The following TARM1 variants were observed in gnomAD, a reference collection of about 807,000 sequenced individuals.
TARM1 encodes the protein T cell-interacting, activating receptor on myeloid cells 1.
A neutral mutation model predicts 30.4 loss-of-function variants in TARM1; 24 were observed. The ratio of observed to expected loss-of-function variants is 0.79; its 90% CI spans 0.57 to 1.11. The LOEUF (loss-of-function observed/expected upper bound fraction) is 1.11. Among genes scored for constraint, TARM1 ranks in the 50% least tolerant of loss-of-function variants. TARM1 has a pLI of 0.00. For missense variants in TARM1, 323 were observed against 332.8 expected (o/e 0.97, Z 0.23); for synonymous variants, 129 against 138.9 (o/e 0.93, Z 0.50).
At chr19:54,075,716 C>A (rs587708485) in intron 2 of TARM1, among the ~76,000 whole-genome samples, 167 bp downstream of exon 2, 17 of 151,842 alleles carry the variant, frequency 1.1e-4, no homozygotes, top group African/African-American at 3.9e-4. Context: ...TCACTTGAGC[C>A]CAGGAGGCGG....
At chr19:54,077,669 T>C (rs1364182260) in intron 1 of TARM1, among the ~76,000 whole-genome samples, 1 of 151,608 alleles carries the variant, frequency 6.6e-6, no homozygotes, top group Non-Finnish European at 1.5e-5. Flanking sequence ...AACGTAAGTG[T>C]CCATCCATGG....
intron 4 of TARM1, among the ~76,000 whole-genome samples, chr19:54,072,761 G>A (rs1280036478): frequency 6.6e-6 from 1 of 152,090 alleles, no homozygotes; most frequent in Non-Finnish European, 1.5e-5. Context: ...CGGATCACCT[G>A]AGGCCAGGGG....
At position 54,070,109 on chromosome 19, in the gene TARM1, A is replaced by G; in HGVS notation, c.710T>C (p.Leu237Pro). The G allele has an allele frequency of 6.4e-7, 1 of 1,551,686 alleles. No homozygotes were observed. The highest frequency in any genetic ancestry group is 8.7e-7 in the Non-Finnish European group (1 of 1,146,976). The part of the protein sequence containing the change: ...SNYSLGNFVR[L>P]GLAAVIVVIM... ...AACCACAATTACGGCAGCCAGACCC[A>G]GTCGTACGAAGTTACCCAGGGAGTA... Residue 237 changes from leucine (L) to proline (P), a missense_variant, in exon 5 of 5, where the codon CTG becomes CCG. Transcript: ENST00000432826.
At chr19:54,080,624 C>G (rs587621792) in intron 1 of TARM1, among the ~76,000 whole-genome samples, 1 of 150,684 alleles carries the variant, frequency 6.6e-6, no homozygotes, top group African/African-American at 2.4e-5. Context: ...GGTTACACAG[C>G]GGCCTCAATT....
intron 1 of TARM1, among the ~76,000 whole-genome samples, chr19:54,077,407 GA>G (rs1354379231): frequency 6.6e-6 from 1 of 151,734 alleles, no homozygotes; most frequent in Admixed American, 6.6e-5. Context: ...AGAAAGAAAA[GA>G]AAAAACATAA....
intron 1 of TARM1, chr19:54,076,254 C>T (rs745346134): frequency 6.7e-7 from 1 of 1,499,270 alleles, no homozygotes; most frequent in South Asian, 1.3e-5. Flanking sequence ...TCCTTTCTTT[C>T]TTTCTTTTTT....
rs1165429606 is a variant in TARM1, at chr19:54,080,304, C to CG, written c.34+1002dup. Among the ~76,000 whole-genome samples the CG allele has an allele frequency of 4.0e-5, 6 of 150,258 alleles. No homozygotes were observed. In the South Asian group the frequency reaches 1.3e-3, roughly 32 times the overall value. ...ATCCTGGCTAACACAGTGAAACCTA[C>CG]GAAAAAAGCCGGGCATGGTGGCGGG... is the stretch of plus-strand genomic sequence containing the variant. On this transcript the variant is annotated intron_variant, in intron 1 of 4. Transcript: ENST00000432826.
In TARM1 at chr19:54,074,814, C is replaced by T. The variant is rs2146212611; in HGVS notation, c.361+10G>A. 6.5e-7 allele frequency: 1 copy of T among 1,548,758 alleles called. No homozygotes were observed. Among genetic ancestry groups the T allele is most frequent in the East Asian group, 2.4e-5 (1 of 40,858 alleles). On this transcript the variant is annotated intron_variant, in intron 3 of 4. Coordinates refer to ENST00000432826, the MANE Select transcript of TARM1 (RefSeq NM_001135686.3). ...CCCCCGTATGTCATTGGCAGGCACC[C>T]TGTCTGTACCTGTCACCAACAGTAG...
rs1162895891 is a variant in TARM1, at chr19:54,080,136, G to GAAGAAAGAAAGA, written c.34+1170_34+1171insTCTTTCTTTCTT. On this transcript the variant is annotated intron_variant, in intron 1 of 4. Transcript: ENST00000432826. The stretch of plus-strand genomic sequence containing the variant: ...GGAAGGAAGGAAGGAAGGAAGGAAG[G>GAAGAAAGAAAGA]AAGAAAGCAAGCAAGCAAGCAAGCA... Among the ~76,000 whole-genome samples the GAAGAAAGAAAGA allele has an allele frequency of 1.3e-4, 8 of 63,778 alleles. 1 individual carries two copies. The highest frequency in any genetic ancestry group is 4.6e-4 in the African/African-American group (8 of 17,540). The allele number at this position is 63,778 out of a possible 152,430, so 41.8% of individuals were successfully genotyped here.
chr19:54,080,815 A>C (rs1276790648), intron 1 of TARM1, among the ~76,000 whole-genome samples: 1 of 151,834 alleles, frequency 6.6e-6, no homozygotes, highest in African/African-American at 2.4e-5. Context: ...TCTACTAAAA[A>C]TACAAAAATT....
In TARM1 at chr19:54,073,950, G is replaced by A. The variant is rs150169841; in HGVS notation, c.628C>T (p.Pro210Ser). The change falls in exon 4 of 5, where the codon CCC (proline) becomes TCC (serine). Residue 210 changes from proline (P) to serine (S), a missense_variant. By Grantham distance (74) the Pro-to-Ser change is moderately conservative. Coordinates refer to ENST00000432826, the MANE Select transcript of TARM1 (RefSeq NM_001135686.3). ...ACCAATATCTCAAGCTGATCACTGG[G>A]TTCTGAGGCCCAGAAGGGAGACTTT... ...QTKSPFWASE[P>S]SDQLEILVTV... 6.0e-5 allele frequency: 93 copies of A among 1,551,678 alleles called. No individual in the cohort carries two copies. The East Asian group carries it at 2.2e-3, about 37-fold the overall frequency.
intron 1 of TARM1, chr19:54,076,126 A>T (rs1600207335): frequency 6.8e-7 from 1 of 1,475,966 alleles, no homozygotes; most frequent in East Asian, 2.5e-5. Flanking sequence ...CTCCTTGACC[A>T]TCCTGTGTGG....
rs373376467 is a variant in TARM1 at position 54,074,869 on chromosome 19, G to T, written c.316C>A (p.His106Asn). The part of the protein sequence containing the change: ...TCEYYRKASP[H>N]ILSQHSDVLL... ...ACGTCACTGTGCTGTGAAAGGATGT[G>T]GGGGGATGCTTTTCTGTAGTATTCA... The change falls in exon 3 of 5, where the codon CAC (histidine) becomes AAC (asparagine). Residue 106 changes from histidine (H) to asparagine (N), a missense_variant. Transcript: ENST00000432826. 2.3e-5 allele frequency: 36 copies of T among 1,549,940 alleles called. No homozygotes were observed. Among genetic ancestry groups the T allele is most frequent in the Non-Finnish European group, 3.1e-5 (36 of 1,145,572 alleles).
intron 1 of TARM1, chr19:54,076,225 T>G: frequency 6.6e-7 from 1 of 1,514,580 alleles, no homozygotes; most frequent in Non-Finnish European, 8.8e-7. Flanking sequence ...TACCATTTCT[T>G]TCTTTCTTTC....
At position 54,073,944 on chromosome 19, in the gene TARM1, C is replaced by G; in HGVS notation, c.634G>C (p.Asp212His). Residue 212 changes from aspartate to histidine, a missense_variant, in exon 4 of 5, where the codon GAT (aspartate) becomes CAT (histidine). Asp to His is a moderately conservative substitution (Grantham distance 81). Transcript: ENST00000432826. ...CCTGTCACCAATATCTCAAGCTGAT[C>G]ACTGGGTTCTGAGGCCCAGAAGGGA... ...KSPFWASEPS[D>H]QLEILVTVPP... is the part of the protein sequence containing the mutation. The G allele has an allele frequency of 6.4e-7, 1 of 1,551,708 alleles. No individual in the cohort carries two copies. The highest frequency in any genetic ancestry group is 8.7e-7 in the Non-Finnish European group (1 of 1,146,986).
At chr19:54,079,350 G>C (rs1259019121) in intron 1 of TARM1, among the ~76,000 whole-genome samples, 1 of 152,092 alleles carries the variant, frequency 6.6e-6, no homozygotes, top group African/African-American at 2.4e-5. Context: ...TGGTTAGAGG[G>C]TGTAGCGTTC....
At position 54,070,615 on chromosome 19, in the gene TARM1, C is replaced by CT. The variant is rs1211477116; in HGVS notation, c.659-456dup. ...ACTGTACTTTAAAGTTTTAATTGAA[C>CT]TTTTTTTTTTTCTTGAGATCAAGTT... On this transcript the variant is annotated intron_variant, in intron 4 of 4. Transcript: ENST00000432826. Among the ~76,000 whole-genome samples, 49 of 145,978 alleles carry CT rather than the reference C, an allele frequency of 3.4e-4. 1 individual carries two copies. The highest frequency in any genetic ancestry group is 3.7e-3 in the Middle Eastern group (1 of 272).
At chr19:54,079,676 A>G (rs1431580295) in intron 1 of TARM1, among the ~76,000 whole-genome samples, 1 of 151,592 alleles carries the variant, frequency 6.6e-6, no homozygotes, top group Non-Finnish European at 1.5e-5. Context: ...ACATAGTGAG[A>G]TCCCGTCTCT....
rs931177543 is a variant in TARM1 at position 54,075,850 on chromosome 19, G to A, written c.70+33C>T. On this transcript the variant is annotated intron_variant, in intron 2 of 4. Transcript: ENST00000432826. Reference sequence around the variant, plus strand: ...GAACAGCAGGGGATTTGGGATGACAGGCCAAGGAGGGTGTAGTTGAAGAAA... The same window carrying A: ...GAACAGCAGGGGATTTGGGATGACAAGCCAAGGAGGGTGTAGTTGAAGAAA... The A allele has an allele frequency of 8.4e-6, 13 of 1,549,904 alleles. No individual in the cohort carries two copies. In the East Asian group the frequency reaches 3.2e-4, roughly 38 times the overall value.
Sources: allele counts gnomAD v4.1 joint callset (sites outside exome capture counted in the v4.1 genomes callset), GRCh38; gene constraint gnomAD v4.1.1; transcripts MANE v1.5; gene names NCBI Gene and HGNC (gene_info 2026-07-23, HGNC 2026-07-21).